Variants in CTNNBL1 observed in about 807,000 individuals in gnomAD.
The protein encoded by CTNNBL1 is beta-catenin-like protein 1.
Under a neutral mutation model 72.7 loss-of-function variants are expected in CTNNBL1, and 31 were observed. The observed-to-expected ratio is 0.43, with a 90% confidence interval of 0.32 to 0.58. The LOEUF (loss-of-function observed/expected upper bound fraction) is 0.58. Ranked by LOEUF, CTNNBL1 falls within the 20% of genes least tolerant of loss-of-function variation. CTNNBL1 has a pLI of 0.08. For synonymous variants in CTNNBL1, 240 were observed against 267.3 expected, an observed-to-expected ratio of 0.90 and a Z score of 1.00; for missense variants, 534 against 725.1, an observed-to-expected ratio of 0.74 and a Z score of 3.03.
At chr20:37,701,243 T>G (rs2072839150) in intron 1 of CTNNBL1, among the ~76,000 whole-genome samples, 1 of 152,242 alleles carries the variant, frequency 6.6e-6, no homozygotes, top group Non-Finnish European at 1.5e-5. Context: ...GATAGACCAT[T>G]TTCCCTAAAT....
chr20:37,776,309 C>T (rs2073572846), intron 7 of CTNNBL1, among the ~76,000 whole-genome samples: 1 of 152,176 alleles, frequency 6.6e-6, no homozygotes, highest in African/African-American at 2.4e-5. Flanking sequence ...TGAAATGATA[C>T]TGAATATTGC....
intron 10 of CTNNBL1, among the ~76,000 whole-genome samples, chr20:37,792,192 C>G (rs1356411351): frequency 6.6e-6 from 1 of 152,162 alleles, no homozygotes; most frequent in Non-Finnish European, 1.5e-5. Context: ...CTATTTTTCT[C>G]TGATCAGTGT....
chr20:37,801,224 TC>T (rs2073820810), intron 10 of CTNNBL1, among the ~76,000 whole-genome samples: 1 of 152,242 alleles, frequency 6.6e-6, no homozygotes, highest in Non-Finnish European at 1.5e-5. Context: ...TTTTCTCTGA[TC>T]CTTTCATATT....
chr20:37,813,615 T>A (rs933634745), intron 11 of CTNNBL1, among the ~76,000 whole-genome samples: 1 of 152,252 alleles, frequency 6.6e-6, no homozygotes, highest in Non-Finnish European at 1.5e-5. Context: ...GGGGCAGCAT[T>A]ACCAGAATTC....
chr20:37,747,319 G>A (rs1426036048), intron 4 of CTNNBL1, among the ~76,000 whole-genome samples: 1 of 141,758 alleles, frequency 7.1e-6, no homozygotes, highest in African/African-American at 2.6e-5. Context: ...AGGTTGCAGT[G>A]AGCCGAGATC....
chr20:37,710,761 C>G (rs1174435175), intron 1 of CTNNBL1, among the ~76,000 whole-genome samples: 1 of 152,134 alleles, frequency 6.6e-6, no homozygotes, highest in Non-Finnish European at 1.5e-5. Flanking sequence ...AACCCTGTAT[C>G]TTTTAGTCAG....
Position 37,801,078 on chromosome 20 carries a change from T to C in CTNNBL1, c.1032-1789T>C, listed in dbSNP as rs2073820007. 2.0e-5 allele frequency among the ~76,000 whole-genome samples: 3 copies of C among 152,240 alleles called. No individual in the cohort carries two copies. The South Asian group carries it at 6.2e-4, about 32-fold the overall frequency. ...CACTAACCATTATCAGGTATCTCAA[T>C]TTCTCTTTGTCTCCTGCCTTGAGAA... On this transcript the variant is annotated intron_variant, in intron 10 of 15. Coordinates refer to ENST00000361383, the MANE Select transcript of CTNNBL1 (RefSeq NM_030877.5).
intron 1 of CTNNBL1, among the ~76,000 whole-genome samples, chr20:37,698,879 C>T (rs982590641): frequency 1.3e-5 from 2 of 152,082 alleles, no homozygotes; most frequent in Non-Finnish European, 2.9e-5. Flanking sequence ...AAACCTGTCT[C>T]TACAAAAAGT....
chr20:37,869,630 G>A (rs1351982395), intron 15 of CTNNBL1, among the ~76,000 whole-genome samples: 1 of 152,240 alleles, frequency 6.6e-6, no homozygotes, highest in Non-Finnish European at 1.5e-5. Context: ...GGAGGCAGTG[G>A]CCTGGGGCCG....
chr20:37,696,308 A>G (rs1049272050), intron 1 of CTNNBL1, among the ~76,000 whole-genome samples: 2 of 152,232 alleles, frequency 1.3e-5, no homozygotes, highest in Non-Finnish European at 2.9e-5. Context: ...ACTGCTTTGT[A>G]TAGTAGCCAC....
intron 11 of CTNNBL1, among the ~76,000 whole-genome samples, chr20:37,828,517 A>G (rs2072180289): frequency 6.6e-6 from 1 of 152,340 alleles, no homozygotes; most frequent in East Asian, 1.9e-4. Flanking sequence ...TCTTTTGCCA[A>G]CTGAGTCTCT....
intron 7 of CTNNBL1, among the ~76,000 whole-genome samples, chr20:37,769,025 C>T (rs944093667): frequency 2.0e-5 from 3 of 152,288 alleles, no homozygotes; most frequent in Non-Finnish European, 2.9e-5. Flanking sequence ...GTGATCCACC[C>T]GCCTTGGTCT....
chr20:37,790,102 T>C (rs1241114293), intron 10 of CTNNBL1, among the ~76,000 whole-genome samples: 4 of 152,142 alleles, frequency 2.6e-5, no homozygotes. Context: ...TAAAGAAAAA[T>C]GTCTCTGATA....
In CTNNBL1 at chr20:37,699,634, A is replaced by G. The variant is rs1249606357; in HGVS notation, c.30+5482A>G. On this transcript the variant is annotated intron_variant, in intron 1 of 15. Transcript: ENST00000361383. Reference sequence around the variant, plus strand: ...GTTATAGTTATCATTTACAAAGTAGACTCAGTACGACCACTGAAGTTTGCT... The same window carrying G: ...GTTATAGTTATCATTTACAAAGTAGGCTCAGTACGACCACTGAAGTTTGCT... 4.6e-5 allele frequency among the ~76,000 whole-genome samples: 7 copies of G among 152,320 alleles called. No individual in the cohort carries two copies. In the East Asian group the frequency reaches 1.2e-3, roughly 25 times the overall value.
At chr20:37,786,471 G>C (rs922141686) in intron 10 of CTNNBL1, among the ~76,000 whole-genome samples, 1 of 152,032 alleles carries the variant, frequency 6.6e-6, no homozygotes, top group Admixed American at 6.6e-5. Flanking sequence ...GCACCAATTG[G>C]ATTTGTTTTT....
chr20:37,724,662 G>A (rs2073068034), intron 1 of CTNNBL1, among the ~76,000 whole-genome samples: 1 of 152,146 alleles, frequency 6.6e-6, no homozygotes, highest in African/African-American at 2.4e-5. Context: ...CCTGATGCCT[G>A]AACTGTCTCT....
chr20:37,839,995 A>G, intron 11 of CTNNBL1, 107 bp from the exon 12 acceptor site: 1 of 726,738 alleles, frequency 1.4e-6, no homozygotes, highest in Non-Finnish European at 2.4e-6. Context: ...AGCAGCAGTC[A>G]GAAAGGCCTA....
At chr20:37,710,625 T>C (rs1218796096) in intron 1 of CTNNBL1, among the ~76,000 whole-genome samples, 1 of 152,168 alleles carries the variant, frequency 6.6e-6, no homozygotes, top group Non-Finnish European at 1.5e-5. Context: ...TGTCCACTAA[T>C]CATGAGTCTT....
At chr20:37,707,838 C>A (rs1007251874) in intron 1 of CTNNBL1, among the ~76,000 whole-genome samples, 1 of 152,168 alleles carries the variant, frequency 6.6e-6, no homozygotes, top group Non-Finnish European at 1.5e-5. Context: ...ATGTGAGACT[C>A]TTTCTTTCAC....
Sources: allele counts gnomAD v4.1 joint callset (sites outside exome capture counted in the v4.1 genomes callset), GRCh38; gene constraint gnomAD v4.1.1; transcripts MANE v1.5; gene names NCBI Gene and HGNC (gene_info 2026-07-23, HGNC 2026-07-21).